SPATA13: variants seen among roughly 807,000 people sequenced by gnomAD.
SPATA13 encodes the protein spermatogenesis associated 13, also known as spermatogenesis-associated protein 13.
A neutral mutation model predicts 104.0 loss-of-function variants in SPATA13; 50 were observed. That is an observed-to-expected ratio of 0.48 (90% CI 0.38 to 0.61). The LOEUF is 0.61. Ranked by LOEUF, SPATA13 falls within the 20% of genes least tolerant of loss-of-function variation. SPATA13 has a pLI of 0.00. For missense variants in SPATA13, 1,524 were observed against 1,690.6 expected (o/e 0.90, Z 1.73); for synonymous variants, 606 against 667.5 (o/e 0.91, Z 1.42).
chr13:24,214,794 C>G (rs543061916), intron 1 of SPATA13, among the ~76,000 whole-genome samples: 1 of 152,342 alleles, frequency 6.6e-6, no homozygotes, highest in East Asian at 1.9e-4. Flanking sequence ...ATAACCTTGT[C>G]TCATCTTGCA....
At chr13:24,038,624 G>A (rs1877803325) in intron 3 of SPATA13, among the ~76,000 whole-genome samples, 1 of 152,148 alleles carries the variant, frequency 6.6e-6, no homozygotes, top group Non-Finnish European at 1.5e-5. Context: ...GTTCTCTGTG[G>A]TGATGACTCA....
Position 24,286,763 on chromosome 13 carries a change from A to G in SPATA13, c.2482-2A>G. On this transcript the variant is annotated splice_acceptor_variant, in intron 6 of 12. Transcript: ENST00000382108. LOFTEE classifies it high-confidence loss of function. This position sits in a 1 kb window ranked among gnomAD's most constrained non-coding sequence, Gnocchi z 4.9. ...CACCTGTCCCCTGTATGTGGGTTGC[A>G]GTTGCGAGTGAATCAGGAAGAGCTG... 1 of 1,613,420 alleles carries G rather than the reference A, an allele frequency of 6.2e-7. No homozygotes were observed. Among genetic ancestry groups the G allele is most frequent in the Non-Finnish European group, 8.5e-7 (1 of 1,179,816 alleles).
chr13:24,166,271 G>C (rs1215877931), intron 1 of SPATA13, among the ~76,000 whole-genome samples: 1 of 152,168 alleles, frequency 6.6e-6, no homozygotes, highest in Non-Finnish European at 1.5e-5. Context: ...AGAGGGAGAG[G>C]CCCATATGTA....
intron 2 of SPATA13, among the ~76,000 whole-genome samples, chr13:24,246,777 C>A (rs1047977401): frequency 4.6e-5 from 7 of 152,032 alleles, no homozygotes; most frequent in African/African-American, 1.7e-4. Context: ...ACAGGATAAT[C>A]ACTTGAACCT....
intron 2 of SPATA13, among the ~76,000 whole-genome samples, chr13:23,991,301 T>C (rs1433757099): frequency 6.6e-6 from 1 of 152,222 alleles, no homozygotes; most frequent in Admixed American, 6.5e-5. Flanking sequence ...TTGGGGCTGA[T>C]TCAGGGCAAT....
intron 3 of SPATA13, among the ~76,000 whole-genome samples, chr13:24,070,374 C>G (rs1487382869): frequency 6.6e-6 from 1 of 152,168 alleles, no homozygotes; most frequent in African/African-American, 2.4e-5. Flanking sequence ...TCACTTCCCT[C>G]AGGGTAGGGA....
At chr13:24,294,688 T>G in intron 9 of SPATA13, 51 bp from the exon 10 acceptor site, 1 of 1,535,198 alleles carries the variant, frequency 6.5e-7, no homozygotes, top group Non-Finnish European at 8.9e-7. Flanking sequence ...TTGCCAGTCC[T>G]CATTTGTAAG....
At position 24,243,906 on chromosome 13, in the gene SPATA13, A is replaced by G. The variant is rs534630252; in HGVS notation, c.1654-5571A>G. ...TCCCTATGCTTTAATTTTCTTCTGA[A>G]TTACCTTGCTGTATGAGTTTCCCAG... On this transcript the variant is annotated intron_variant, in intron 2 of 12. Coordinates refer to ENST00000382108, the MANE Select transcript of SPATA13 (RefSeq NM_001166271.3). 8.5e-5 allele frequency among the ~76,000 whole-genome samples: 13 copies of G among 152,324 alleles called. No individual in the cohort carries two copies. In the East Asian group the frequency reaches 1.9e-3, roughly 23 times the overall value.
chr13:24,255,218 T>C (rs1265154743), intron 4 of SPATA13, among the ~76,000 whole-genome samples: 2 of 152,132 alleles, frequency 1.3e-5, no homozygotes, highest in Non-Finnish European at 2.9e-5. Context: ...ACCAGGCTGA[T>C]GGTAGGAGTT....
At chr13:24,141,650 C>G (rs1457439395) in intron 3 of SPATA13, among the ~76,000 whole-genome samples, 1 of 152,180 alleles carries the variant, frequency 6.6e-6, no homozygotes, top group Non-Finnish European at 1.5e-5. Context: ...TCATGTTCAT[C>G]CTTGCAGCCC....
intron 3 of SPATA13, among the ~76,000 whole-genome samples, chr13:24,086,604 G>A (rs1879730223): frequency 6.6e-6 from 1 of 152,226 alleles, no homozygotes; most frequent in African/African-American, 2.4e-5. Context: ...GAGGCAGCAA[G>A]GATGAGTTCA....
At chr13:24,173,595 A>G (rs1406839953) in intron 1 of SPATA13, among the ~76,000 whole-genome samples, 1 of 139,326 alleles carries the variant, frequency 7.2e-6, no homozygotes, top group African/African-American at 2.7e-5. Context: ...AGGGTTTTCT[A>G]TAGATGTTCA....
intron 2 of SPATA13, among the ~76,000 whole-genome samples, chr13:24,244,061 G>A (rs1330836304): frequency 6.6e-6 from 1 of 152,148 alleles, no homozygotes; most frequent in African/African-American, 2.4e-5. Flanking sequence ...GGTGCGAAGG[G>A]GGCTTCTTAG....
intron 9 of SPATA13, among the ~76,000 whole-genome samples, chr13:24,291,342 A>AC (rs768637307): frequency 1.2e-4 from 18 of 152,304 alleles, no homozygotes; most frequent in Middle Eastern, 3.4e-3. Flanking sequence ...AACATTACTT[A>AC]CTAGTGGCTT....
intron 1 of SPATA13, among the ~76,000 whole-genome samples, chr13:24,189,882 T>A (rs985335300): frequency 1.3e-4 from 4 of 30,666 alleles, no homozygotes; most frequent in Admixed American, 7.0e-4. Flanking sequence ...TAATTATATA[T>A]CATAATATAT....
intron 3 of SPATA13, among the ~76,000 whole-genome samples, chr13:24,069,759 T>C (rs1879093948): frequency 6.6e-6 from 1 of 152,254 alleles, no homozygotes; most frequent in South Asian, 2.1e-4. Flanking sequence ...TGTTTGATCA[T>C]TTATTCTGTT....
At chr13:24,191,737 C>G (rs942380361) in intron 1 of SPATA13, among the ~76,000 whole-genome samples, 1 of 151,926 alleles carries the variant, frequency 6.6e-6, no homozygotes, top group Admixed American at 6.6e-5. Context: ...GTCTTGATCT[C>G]CTGACCTTGT....
At chr13:24,037,794 T>C (rs9511007) in intron 3 of SPATA13, among the ~76,000 whole-genome samples, 46,010 of 151,990 alleles carry the variant, frequency 0.3, 8,216 homozygotes, top group Non-Finnish European at 0.4. Flanking sequence ...GATTAGCTTA[T>C]TGGGGGCCCA....
chr13:24,157,465 ATT>A (rs369115177), upstream of SPATA13, among the ~76,000 whole-genome samples: 5 of 151,626 alleles, frequency 3.3e-5, no homozygotes, highest in Non-Finnish European at 4.4e-5. Flanking sequence ...CGCCCGGCTA[ATT>A]TTTTTTGTAT....
Sources: allele counts gnomAD v4.1 joint callset (sites outside exome capture counted in the v4.1 genomes callset), GRCh38; gene constraint gnomAD v4.1.1; non-coding constraint Gnocchi (gnomAD v3.1); transcripts MANE v1.5; gene names NCBI Gene and HGNC (gene_info 2026-07-23, HGNC 2026-07-21).